The following SNX13 variants were observed in gnomAD, a reference collection of about 807,000 sequenced individuals.
The protein encoded by SNX13 is sorting nexin-13.
In SNX13, 45 loss-of-function variants were observed where a neutral mutation model predicts 133.6. The ratio of observed to expected loss-of-function variants is 0.34; its 90% CI spans 0.27 to 0.43. SNX13 has a LOEUF of 0.43. Among genes scored for constraint, SNX13 ranks in the 20% least tolerant of loss-of-function variants. The probability of loss-of-function intolerance (pLI) is 1.00; values close to 1 mark genes in which losing one functional copy is unlikely to be tolerated. For missense variants in SNX13, 1,032 were observed against 1,145.1 expected (o/e 0.90, Z 1.43); for synonymous variants, 414 against 373.9 (o/e 1.11, Z -1.24).
chr7:17,827,571 A>T (rs1187957470), intron 16 of SNX13, among the ~76,000 whole-genome samples: 2 of 151,960 alleles, frequency 1.3e-5, no homozygotes, highest in African/African-American at 4.8e-5. Flanking sequence ...CTATACAGAT[A>T]ATCCACAAGA....
chr7:17,874,889 G>C (rs1203473959), intron 7 of SNX13, among the ~76,000 whole-genome samples: 1 of 152,148 alleles, frequency 6.6e-6, no homozygotes, highest in Non-Finnish European at 1.5e-5. Context: ...ATATTTTATG[G>C]TAACAGGTAT....
intron 1 of SNX13, among the ~76,000 whole-genome samples, chr7:17,911,850 A>G (rs1260163670): frequency 6.6e-6 from 1 of 151,558 alleles, no homozygotes; most frequent in Non-Finnish European, 1.5e-5. Context: ...AAAGAGAGAG[A>G]GAATCTACAC....
intron 5 of SNX13, among the ~76,000 whole-genome samples, chr7:17,886,034 A>G (rs1165534677): frequency 6.6e-6 from 1 of 152,174 alleles, no homozygotes; most frequent in East Asian, 1.9e-4. Context: ...CTTTGTTGCA[A>G]ATGTCCACTA....
chr7:17,916,552 T>C (rs1414073339), intron 1 of SNX13, among the ~76,000 whole-genome samples: 2 of 151,834 alleles, frequency 1.3e-5, no homozygotes, highest in Non-Finnish European at 2.9e-5. Context: ...CAAGAAAATC[T>C]AGAGGAAATG....
At chr7:17,805,250 T>TGTGTGTGTGTGTGTGTGTGCGCGCGCGC in intron 20 of SNX13, among the ~76,000 whole-genome samples, 21 of 95,548 alleles carry the variant, frequency 2.2e-4, no homozygotes, top group African/African-American at 3.1e-4. Flanking sequence ...TGTGTGTGTG[T>TGTGTGTGTGTGTGTGTGTGCGCGCGCGC]GCGTGCGCGC....
At chr7:17,897,689 T>G (rs1357272109) in intron 1 of SNX13, among the ~76,000 whole-genome samples, 5 of 152,074 alleles carry the variant, frequency 3.3e-5, no homozygotes, top group Non-Finnish European at 5.9e-5. Context: ...AAAATCCTAG[T>G]GGCAATGCAA....
At chr7:17,828,813 T>A (rs930324835) in intron 16 of SNX13, among the ~76,000 whole-genome samples, 20 of 151,360 alleles carry the variant, frequency 1.3e-4, no homozygotes, top group African/African-American at 3.6e-4. Flanking sequence ...AGAAAAAAAA[T>A]TTTTTACTAG....
intron 13 of SNX13, among the ~76,000 whole-genome samples, chr7:17,837,478 A>AT (rs534320161): frequency 1.3e-4 from 20 of 152,112 alleles, no homozygotes; most frequent in Non-Finnish European, 2.5e-4. Flanking sequence ...GAATGTAATA[A>AT]TTGGGATTTT....
chr7:17,932,820 T>C (rs2128049648), intron 1 of SNX13, among the ~76,000 whole-genome samples: 1 of 152,332 alleles, frequency 6.6e-6, no homozygotes, highest in South Asian at 2.1e-4. Flanking sequence ...ATCTTTTAAT[T>C]ATATTCTCCA....
intron 18 of SNX13, among the ~76,000 whole-genome samples, chr7:17,819,046 A>G (rs575032530): frequency 6.6e-6 from 1 of 152,338 alleles, no homozygotes; most frequent in Middle Eastern, 3.4e-3. Context: ...TAGCATCAAG[A>G]AAAGTACCAG....
chr7:17,799,478 G>T (rs1339144779), intron 22 of SNX13, among the ~76,000 whole-genome samples: 1 of 151,636 alleles, frequency 6.6e-6, no homozygotes, highest in Non-Finnish European at 1.5e-5. Context: ...AGTTTGATAA[G>T]GCAAATGCTA....
chr7:17,797,760 T>A (rs1415232939), intron 24 of SNX13, among the ~76,000 whole-genome samples: 2 of 151,808 alleles, frequency 1.3e-5, no homozygotes, highest in African/African-American at 4.8e-5. Flanking sequence ...GGAACATCAT[T>A]TACCTACCCT....
At position 17,794,147 on chromosome 7, in the gene SNX13, T is replaced by C. The variant is rs1427832123; in HGVS notation, c.2772A>G (p.Lys924=). 1.2e-6 allele frequency: 2 copies of C among 1,611,556 alleles called. No individual in the cohort carries two copies. The highest frequency in any genetic ancestry group is 1.7e-5 in the Admixed American group (1 of 59,714). Residue 924 remains lysine (K), a synonymous_variant, in exon 26 of 26, where the codon AAA becomes AAG. Transcript: ENST00000428135. The part of the protein sequence containing the change: ...GFLETLFPQY[K]FRELFNKLHS... ...GCAGTTTGTTGAAAAGTTCACGGAA[T>C]TTATACTGTGGAAATAAGGTTTCTA...
At chr7:17,822,721 TTC>T (rs1178844266) in intron 17 of SNX13, among the ~76,000 whole-genome samples, 1 of 152,132 alleles carries the variant, frequency 6.6e-6, no homozygotes, top group African/African-American at 2.4e-5. Flanking sequence ...TCCCTGGGTG[TTC>T]TGAGTGCCCT....
Position 17,814,882 on chromosome 7 carries a change from G to A in SNX13, c.2016C>T (p.Phe672=), listed in dbSNP as rs772139135. 5.1e-6 allele frequency: 8 copies of A among 1,553,530 alleles called. No individual in the cohort carries two copies. The highest frequency in any genetic ancestry group is 1.4e-5 in the African/African-American group (1 of 70,226). The stretch of plus-strand genomic sequence containing the variant: ...CTTTACTGTAGGCTTTGTTCTCAAG[G>A]AAATCATACACATAGTGAGCTAAAG... ...SPALAHYVYD[F]LENKAYSKGK... Residue 672 remains phenylalanine, a synonymous_variant, in exon 20 of 26, where the codon TTC becomes TTT. Transcript: ENST00000428135.
intron 21 of SNX13, 126 bp downstream of exon 21, chr7:17,803,293 T>C (rs1784836339): frequency 1.2e-6 from 1 of 821,302 alleles, no homozygotes; most frequent in Non-Finnish European, 1.8e-6. Context: ...TTTATGAGAC[T>C]ATGTGTCTAG....
chr7:17,909,536 G>A (rs1448398276), intron 1 of SNX13, among the ~76,000 whole-genome samples: 3 of 152,174 alleles, frequency 2.0e-5, no homozygotes, highest in African/African-American at 7.2e-5. Flanking sequence ...AGGAACAAGA[G>A]ACTAACAAGA....
chr7:17,817,184 T>C (rs998616956), intron 18 of SNX13, among the ~76,000 whole-genome samples: 1 of 152,366 alleles, frequency 6.6e-6, no homozygotes, highest in East Asian at 1.9e-4. Flanking sequence ...CTAGCACTTA[T>C]GGACTTAACA....
chr7:17,849,946 T>C (rs1791013214), intron 11 of SNX13, among the ~76,000 whole-genome samples: 1 of 152,198 alleles, frequency 6.6e-6, no homozygotes, highest in African/African-American at 2.4e-5. Context: ...ATATTACGCG[T>C]CAATTTGCTT....
Sources: gnomAD v4.1 joint callset for allele counts (sites outside exome capture counted in the v4.1 genomes callset) on GRCh38, gnomAD v4.1.1 for gene constraint, MANE v1.5 for transcripts, NCBI Gene and HGNC (gene_info 2026-07-23, HGNC 2026-07-21) for gene names.